The following CDKN2B-AS1 variants were observed in gnomAD, a reference collection of about 807,000 sequenced individuals.
CDKN2B-AS1 encodes CDKN2B and CDKN2A antisense cis and trans regulatory RNA 1.
At chr9:22,076,858 A>G (rs888626391) in intron 4 of CDKN2B-AS1, among the ~76,000 whole-genome samples, 113 of 152,140 alleles carry the variant, frequency 7.4e-4, no homozygotes, top group African/African-American at 2.6e-3. Flanking sequence ...ACATTTGGCT[A>G]ATTTTTGTAG....
chr9:22,046,844 T>C (rs892470980), exon 2 of CDKN2B-AS1: 1 of 152,158 alleles, frequency 6.6e-6, no homozygotes, highest in Admixed American at 6.6e-5. Flanking sequence ...ATATATGTTA[T>C]CTGTGCTTAA....
chr9:22,051,927 T>A lies in CDKN2B-AS1; in HGVS notation n.302+2699T>A, dbSNP rs185398946. Among the ~76,000 whole-genome samples the A allele has an allele frequency of 5.3e-5, 8 of 152,282 alleles. No individual in the cohort carries two copies. The East Asian group carries it at 1.5e-3, about 29-fold the overall frequency. On this transcript the variant is annotated intron_variant and non_coding_transcript_variant, in intron 3 of 4. Coordinates refer to ENST00000650946, the Ensembl canonical transcript of CDKN2B-AS1. ...TGCTAGGAAGTTTTTCTTGTGTTAG[T>A]TAAGATCCTGTGAAACAACCCTTGA...
intron 4 of CDKN2B-AS1, among the ~76,000 whole-genome samples, chr9:22,072,599 G>A (rs75774796): frequency 0.02 from 3,012 of 152,322 alleles, 41 homozygotes; most frequent in Middle Eastern, 0.058. Context: ...GTACAACATG[G>A]TGGTTATTTA....
At chr9:22,020,864 G>A (rs913176627) in intron 1 of CDKN2B-AS1, among the ~76,000 whole-genome samples, 3 of 152,170 alleles carry the variant, frequency 2.0e-5, no homozygotes, top group Non-Finnish European at 4.4e-5. Flanking sequence ...TTACCGTGCA[G>A]AAGCTTTTTA....
chr9:22,064,302 A>G (rs1381646029), intron 4 of CDKN2B-AS1, among the ~76,000 whole-genome samples: 1 of 152,186 alleles, frequency 6.6e-6, no homozygotes, highest in Non-Finnish European at 1.5e-5. Context: ...TGGTGGTCCT[A>G]AAGTGGCATT....
At chr9:22,009,065 A>AAG in intron 1 of CDKN2B-AS1, 1 of 1,515,854 alleles carries the variant, frequency 6.6e-7, no homozygotes, top group Non-Finnish European at 9.1e-7. Flanking sequence ...CCTTCCTAGG[A>AAG]GACCTGGGCT....
At chr9:22,084,367 A>T (rs1824797608) in intron 4 of CDKN2B-AS1, among the ~76,000 whole-genome samples, 1 of 152,238 alleles carries the variant, frequency 6.6e-6, no homozygotes, top group African/African-American at 2.4e-5. Context: ...ATTTTATATT[A>T]TGTTTAAATA....
At chr9:22,081,419 G>A (rs972665981) in intron 4 of CDKN2B-AS1, among the ~76,000 whole-genome samples, 1 of 151,974 alleles carries the variant, frequency 6.6e-6, no homozygotes, top group Admixed American at 6.6e-5. Context: ...GTGAACTCTT[G>A]TCTGATTTGG....
chr9:22,077,648 T>C (rs970118210), intron 4 of CDKN2B-AS1: 7 of 152,204 alleles, frequency 4.6e-5, no homozygotes, highest in Non-Finnish European at 1.0e-4. Context: ...AAATAATTTT[T>C]CTTGGTCACA....
intron 4 of CDKN2B-AS1, among the ~76,000 whole-genome samples, chr9:22,102,722 T>C (rs563011213): frequency 6.6e-6 from 1 of 152,322 alleles, no homozygotes; most frequent in African/African-American, 2.4e-5. Context: ...ACATTCTAAT[T>C]ACCTTAGAGT....
chr9:22,062,445 G>C (rs927542090), intron 4 of CDKN2B-AS1, among the ~76,000 whole-genome samples: 1 of 152,158 alleles, frequency 6.6e-6, no homozygotes, highest in Non-Finnish European at 1.5e-5. Flanking sequence ...GAAAATTTAG[G>C]TTGGTGTTAT....
At chr9:22,090,071 T>TG (rs771231435) in intron 4 of CDKN2B-AS1, among the ~76,000 whole-genome samples, 2 of 147,774 alleles carry the variant, frequency 1.4e-5, no homozygotes, top group South Asian at 2.2e-4. Context: ...AGTGAGAACA[T>TG]GCAGTGTTTG....
At chr9:22,067,555 C>T (rs10811649) in intron 4 of CDKN2B-AS1, among the ~76,000 whole-genome samples, 98,044 of 151,506 alleles carry the variant, frequency 0.65, 31,959 homozygotes, top group Middle Eastern at 0.79. Flanking sequence ...CACACACACA[C>T]GCACGCACAC....
In CDKN2B-AS1 at chr9:22,123,087, T is replaced by A. The variant is rs1448794040; in HGVS notation, n.439-4016T>A. On this transcript the variant is annotated intron_variant and non_coding_transcript_variant, in intron 4 of 4. Coordinates refer to ENST00000650946, the Ensembl canonical transcript of CDKN2B-AS1. ...CTTTCACCTCCTTGGTTACATTTAT[T>A]CCTTGGTATTTTATTGTTTTCGTAG... Among the ~76,000 whole-genome samples, 4 of 152,184 alleles carry A rather than the reference T, an allele frequency of 2.6e-5. No homozygotes were observed. In the East Asian group the frequency reaches 7.7e-4, roughly 29 times the overall value.
chr9:22,047,217 C>G (rs1046405664), intron 2 of CDKN2B-AS1, among the ~76,000 whole-genome samples: 1 of 152,040 alleles, frequency 6.6e-6, no homozygotes, highest in Non-Finnish European at 1.5e-5. Flanking sequence ...TTTGTCTGTA[C>G]CCAATAGCTT....
rs903202850 is a variant in CDKN2B-AS1 at position 21,996,941 on chromosome 9, A to G, written n.29+1780A>G. Among the ~76,000 whole-genome samples, 6 of 152,332 alleles carry G rather than the reference A, an allele frequency of 3.9e-5. No homozygotes were observed. The highest frequency in any genetic ancestry group is 1.9e-4 in the East Asian group (1 of 5,186). On this transcript the variant is annotated intron_variant and non_coding_transcript_variant, in intron 1 of 4. Coordinates refer to ENST00000650946, the Ensembl canonical transcript of CDKN2B-AS1. This position sits in a 1 kb window ranked among gnomAD's most constrained non-coding sequence, Gnocchi z 5.4. ...TAAACATCTTTTGAAGTCGCTATCT[A>G]TATCAGTCAGTTCTCCAGGGAAACA...
intron 1 of CDKN2B-AS1, among the ~76,000 whole-genome samples, chr9:22,041,497 T>A (rs1822895559): frequency 6.6e-6 from 1 of 152,074 alleles, no homozygotes; most frequent in African/African-American, 2.4e-5. Context: ...CTGAGACAAT[T>A]TTTGTTTACC....
intron 1 of CDKN2B-AS1, among the ~76,000 whole-genome samples, chr9:22,038,077 C>T: frequency 6.6e-6 from 1 of 151,998 alleles, no homozygotes; most frequent in East Asian, 1.9e-4. Context: ...TTCATAATGA[C>T]TTGCTATAAA....
chr9:22,106,453 G>A (rs190263943), intron 4 of CDKN2B-AS1, among the ~76,000 whole-genome samples: 1 of 152,156 alleles, frequency 6.6e-6, no homozygotes. Context: ...CTGACCTCAG[G>A]TGATCTGCCC....
Sources: allele counts gnomAD v4.1 joint callset (sites outside exome capture counted in the v4.1 genomes callset), GRCh38; gene constraint gnomAD v4.1.1; non-coding constraint Gnocchi (gnomAD v3.1); transcripts MANE v1.5; gene names NCBI Gene and HGNC (gene_info 2026-07-23, HGNC 2026-07-21).